PCNX1: variants seen among roughly 807,000 people sequenced by gnomAD.
PCNX1 encodes pecanex 1.
A neutral mutation model predicts 242.2 loss-of-function variants in PCNX1; 78 were observed. That is an observed-to-expected ratio of 0.32 (90% CI 0.27 to 0.39). The LOEUF (loss-of-function observed/expected upper bound fraction) is 0.39. Among genes scored for constraint, PCNX1 ranks in the 10% least tolerant of loss-of-function variants. The pLI, the probability that PCNX1 is intolerant of heterozygous loss-of-function variation, is 1.00. For synonymous variants in PCNX1, 1,024 were observed against 1,032.9 expected (o/e 0.99, Z 0.17); for missense variants, 2,581 against 2,856.5 (o/e 0.90, Z 2.20).
At chr14:71,021,955 GTA>G (rs1425024733) in intron 12 of PCNX1, among the ~76,000 whole-genome samples, 1 of 151,888 alleles carries the variant, frequency 6.6e-6, no homozygotes, top group Non-Finnish European at 1.5e-5. Context: ...TGTTGCCTTT[GTA>G]TATGAGTTAT....
At chr14:70,934,897 G>A (rs918493401) in intron 1 of PCNX1, among the ~76,000 whole-genome samples, 1 of 152,190 alleles carries the variant, frequency 6.6e-6, no homozygotes, top group Non-Finnish European at 1.5e-5. Context: ...ATTATGATCT[G>A]CTGGTAATAA....
At chr14:71,067,509 A>G (rs1190116177) in intron 26 of PCNX1, among the ~76,000 whole-genome samples, 1 of 150,090 alleles carries the variant, frequency 6.7e-6, no homozygotes, top group Non-Finnish European at 1.5e-5. Context: ...TCTTTTCTTC[A>G]TTTGTCTGAC....
In PCNX1 at chr14:70,971,192, C is replaced by T. The variant is rs1257061855; in HGVS notation, c.604+2082C>T. On this transcript the variant is annotated intron_variant, in intron 5 of 35. Coordinates refer to ENST00000304743, the MANE Select transcript of PCNX1 (RefSeq NM_014982.3). The stretch of plus-strand genomic sequence containing the variant: ...TCGCTCTGTCGCCCAGGCCGGACTG[C>T]GGACTGCAGTGGCGCAATCTCGACT... Among the ~76,000 whole-genome samples, 2 of 10,034 alleles carry T rather than the reference C, an allele frequency of 2.0e-4. 1 individual carries two copies. The highest frequency in any genetic ancestry group is 4.1e-4 in the Non-Finnish European group (2 of 4,912). 6.6% of individuals were successfully genotyped at this position (10,034 alleles called of 152,430 possible).
chr14:71,056,528 G>A (rs954314782), intron 25 of PCNX1, among the ~76,000 whole-genome samples: 1 of 152,070 alleles, frequency 6.6e-6, no homozygotes, highest in Non-Finnish European at 1.5e-5. Flanking sequence ...CAATTAGACT[G>A]GGTTTAAAAT....
At chr14:71,012,717 C>T (rs925485917) in intron 10 of PCNX1, 6 of 366,908 alleles carry the variant, frequency 1.6e-5, no homozygotes, top group Non-Finnish European at 3.0e-5. Context: ...CCTGTAATCC[C>T]AGCTGCTTGG....
In PCNX1 at chr14:71,098,509, C is replaced by CGTGTGTGTGTGT. The variant is rs3221474; in HGVS notation, c.5590-3447_5590-3436dup. Among the ~76,000 whole-genome samples, 274 of 128,672 alleles carry CGTGTGTGTGTGT rather than the reference C, an allele frequency of 2.1e-3. 1 individual carries two copies. The highest frequency in any genetic ancestry group is 5.3e-3 in the African/African-American group (175 of 33,170). The allele number at this position is 128,672 out of a possible 152,430, so 84.4% of individuals were successfully genotyped here. A position where few individuals can be genotyped will look rare whatever the true frequency, so the allele number is the denominator to read the frequency against. On this transcript the variant is annotated intron_variant, in intron 30 of 35. Transcript: ENST00000304743. ...TTTGGCCTCCTTGGTTAGATGTATT[C>CGTGTGTGTGTGT]GTGTGTGTGTGTGTGTGTGTGTGTG...
At chr14:71,055,437 CT>C (rs1297547225) in intron 24 of PCNX1, 66 bp from the exon 25 acceptor site, 1 of 898,458 alleles carries the variant, frequency 1.1e-6, no homozygotes, top group African/African-American at 1.7e-5. Flanking sequence ...TAGTTTCTTC[CT>C]CAGTCTAAAT....
At chr14:70,955,771 TTAGC>T (rs763751949) in intron 2 of PCNX1, among the ~76,000 whole-genome samples, 33 of 152,342 alleles carry the variant, frequency 2.2e-4, no homozygotes, top group East Asian at 1.5e-3. Context: ...TTTTATATGT[TTAGC>T]TATATTTAGA....
chr14:71,036,644 G>C (rs1417955229), intron 19 of PCNX1, among the ~76,000 whole-genome samples: 1 of 152,178 alleles, frequency 6.6e-6, no homozygotes, highest in Non-Finnish European at 1.5e-5. Flanking sequence ...AGTACACTGT[G>C]ATGTTTGCAC....
Position 70,907,746 on chromosome 14 carries a change from G to A in PCNX1, c.-105G>A, listed in dbSNP as rs541318359. ...CGGCTCGCTCACCCGGAGCTCCGGA[G>A]GTGGATAGACGGGGCAGCTGCAGGC... On this transcript the variant is annotated 5_prime_UTR_variant, in exon 1 of 36. Transcript: ENST00000304743. The A allele has an allele frequency of 1.7e-6, 2 of 1,164,346 alleles. No individual in the cohort carries two copies. The highest frequency in any genetic ancestry group is 8.4e-5 in the South Asian group (2 of 23,846). 72.1% of individuals were successfully genotyped at this position (1,164,346 alleles called of 1,614,324 possible).
chr14:71,110,017 C>G lies in PCNX1; in HGVS notation c.*82C>G. 8.2e-7 allele frequency: 1 copy of G among 1,214,886 alleles called. No individual in the cohort carries two copies. The highest frequency in any genetic ancestry group is 1.2e-6 in the Non-Finnish European group (1 of 821,140). 75.3% of individuals were successfully genotyped at this position (1,214,886 alleles called of 1,614,324 possible). A position where few individuals can be genotyped will look rare whatever the true frequency, so the allele number is the denominator to read the frequency against. The stretch of plus-strand genomic sequence containing the variant: ...AAAGAGAGGAACAAGCAGAAGATGC[C>G]TGCAGGTATCACTTTGATCCTATGT... On this transcript the variant is annotated 3_prime_UTR_variant, in exon 36 of 36. Coordinates refer to ENST00000304743, the MANE Select transcript of PCNX1 (RefSeq NM_014982.3).
At chr14:71,001,985 C>CT (rs1200244913) in intron 8 of PCNX1, among the ~76,000 whole-genome samples, 5 of 152,182 alleles carry the variant, frequency 3.3e-5, no homozygotes, top group Non-Finnish European at 7.3e-5. Context: ...GAAAACATGC[C>CT]TTTCGTTTTC....
At position 71,001,844 on chromosome 14, in the gene PCNX1, A is replaced by G. The variant is rs553338216; in HGVS notation, c.2629+5919A>G. Among the ~76,000 whole-genome samples the G allele has an allele frequency of 2.0e-5, 3 of 152,326 alleles. No individual in the cohort carries two copies. The South Asian group carries it at 6.2e-4, about 32-fold the overall frequency. On this transcript the variant is annotated intron_variant, in intron 8 of 35. Transcript: ENST00000304743. ...CTATTTCTGTCATGATGGATGAATG[A>G]TGTTATCTTTCACATGTGGCTTTCT... is the stretch of plus-strand genomic sequence containing the variant.
intron 19 of PCNX1, among the ~76,000 whole-genome samples, chr14:71,043,478 C>T (rs2060770043): frequency 1.3e-5 from 2 of 150,128 alleles, no homozygotes; most frequent in African/African-American, 4.9e-5. Context: ...TAAGCTTTTC[C>T]CTCCCTCCTT....
intron 1 of PCNX1, among the ~76,000 whole-genome samples, chr14:70,915,581 A>G (rs1347615428): frequency 6.6e-6 from 1 of 152,172 alleles, no homozygotes; most frequent in African/African-American, 2.4e-5. Context: ...TGGCTTTTTA[A>G]TAGCTCTGCA....
intron 26 of PCNX1, among the ~76,000 whole-genome samples, chr14:71,072,722 A>G (rs1412521237): frequency 6.6e-6 from 1 of 152,242 alleles, no homozygotes; most frequent in Non-Finnish European, 1.5e-5. Context: ...GGAATTTACA[A>G]ATTGAGTTGA....
chr14:71,045,748 T>C (rs532521212), intron 20 of PCNX1, among the ~76,000 whole-genome samples: 1 of 152,156 alleles, frequency 6.6e-6, no homozygotes, highest in Non-Finnish European at 1.5e-5. Context: ...CAGAGAAAAG[T>C]GTAAAAGAGT....
At chr14:70,952,514 T>C (rs907164013) in intron 2 of PCNX1, among the ~76,000 whole-genome samples, 1 of 152,206 alleles carries the variant, frequency 6.6e-6, no homozygotes, top group Non-Finnish European at 1.5e-5. Context: ...CCTGAATATA[T>C]TTATTTATTT....
chr14:71,040,269 G>T (rs994361786), intron 19 of PCNX1, among the ~76,000 whole-genome samples: 13 of 152,074 alleles, frequency 8.5e-5, no homozygotes, highest in African/African-American at 3.1e-4. Flanking sequence ...AGGATGACAG[G>T]TTTTTTCTCT....
Sources: allele counts gnomAD v4.1 joint callset (sites outside exome capture counted in the v4.1 genomes callset), GRCh38; gene constraint gnomAD v4.1.1; transcripts MANE v1.5; gene names NCBI Gene and HGNC (gene_info 2026-07-23, HGNC 2026-07-21).